GRIK4: variants seen among roughly 807,000 people sequenced by gnomAD.
GRIK4 encodes glutamate ionotropic receptor kainate type subunit 4, also known as glutamate receptor ionotropic, kainate 4.
Under a neutral mutation model 104.9 loss-of-function variants are expected in GRIK4, and 40 were observed. The ratio of observed to expected loss-of-function variants is 0.38; its 90% CI spans 0.30 to 0.50. GRIK4 has a LOEUF of 0.50. Ranked by LOEUF, GRIK4 falls within the 20% of genes least tolerant of loss-of-function variation. The pLI is 0.93. For synonymous variants in GRIK4, 485 were observed against 524.9 expected (o/e 0.92, Z 1.04); for missense variants, 1,047 against 1,308.1 (o/e 0.80, Z 3.08).
intron 9 of GRIK4, among the ~76,000 whole-genome samples, chr11:120,867,707 T>C (rs567897844): frequency 1.3e-5 from 2 of 151,780 alleles, no homozygotes; most frequent in African/African-American, 4.8e-5. Context: ...GAAAGCAAGA[T>C]CAGTCCATGC....
chr11:120,738,022 G>A (rs1368379175), intron 3 of GRIK4, among the ~76,000 whole-genome samples: 1 of 152,222 alleles, frequency 6.6e-6, no homozygotes, highest in African/African-American at 2.4e-5. Flanking sequence ...AGAGAGGATA[G>A]ATAGGGCAGA....
rs199693896 is a variant in GRIK4, at chr11:120,768,435, G to GT, written c.83-34250dup. On this transcript the variant is annotated intron_variant, in intron 3 of 20. Coordinates refer to ENST00000527524, the MANE Select transcript of GRIK4 (RefSeq NM_014619.5). ...TTTACTGAATTCATTTATTCTAACA[G>GT]TTTTTTTTGTGGGTTAAAACTTTCG... is the stretch of plus-strand genomic sequence containing the variant. Among the ~76,000 whole-genome samples, 532 of 151,966 alleles carry GT rather than the reference G, an allele frequency of 3.5e-3. 2 individuals carry two copies. Among genetic ancestry groups the GT allele is most frequent in the African/African-American group, 0.012 (497 of 41,472 alleles).
intron 8 of GRIK4, among the ~76,000 whole-genome samples, chr11:120,846,988 C>G (rs979748165): frequency 6.6e-6 from 1 of 152,188 alleles, no homozygotes; most frequent in Non-Finnish European, 1.5e-5. Context: ...TGATCTCTCA[C>G]CACCCCCTTA....
intron 3 of GRIK4, among the ~76,000 whole-genome samples, chr11:120,791,800 G>T (rs1952400433): frequency 6.6e-6 from 1 of 152,042 alleles, no homozygotes; most frequent in African/African-American, 2.4e-5. Context: ...TTTAACATAT[G>T]GATATCCAAA....
At chr11:120,983,121 C>T (rs539089417) in intron 20 of GRIK4, among the ~76,000 whole-genome samples, 1 of 152,298 alleles carries the variant, frequency 6.6e-6, no homozygotes, top group East Asian at 1.9e-4. Flanking sequence ...CAGCAGATAC[C>T]CCAGTCCTCC....
chr11:120,769,225 C>G (rs538094111), intron 3 of GRIK4, among the ~76,000 whole-genome samples: 46 of 151,896 alleles, frequency 3.0e-4, no homozygotes, highest in African/African-American at 9.6e-4. Context: ...TGCTATTGGT[C>G]TGTTCAAGCT....
chr11:120,576,253 T>G (rs1948482411), intron 1 of GRIK4: 1 of 152,232 alleles, frequency 6.6e-6, no homozygotes, highest in African/African-American at 2.4e-5. Context: ...CAACTCCTAT[T>G]ATTTCAGGGA....
chr11:120,604,171 CAAAAAAAAAAAAA>C (rs59469495), intron 1 of GRIK4, among the ~76,000 whole-genome samples: 4 of 51,812 alleles, frequency 7.7e-5, no homozygotes, highest in Non-Finnish European at 1.0e-4. Context: ...GACTCCTTCT[CAAAAAAAAAAAAA>C]AAAAAAAAAA....
At chr11:120,913,734 C>T (rs1943047257) in intron 13 of GRIK4, among the ~76,000 whole-genome samples, 1 of 151,512 alleles carries the variant, frequency 6.6e-6, no homozygotes, top group South Asian at 2.1e-4. Context: ...CGCCTCATTC[C>T]ATTTTTTCTC....
chr11:120,531,354 C>T lies in GRIK4; in HGVS notation c.-159+19467C>T, dbSNP rs370144098. On this transcript the variant is annotated intron_variant, in intron 1 of 20. Coordinates refer to ENST00000527524, the MANE Select transcript of GRIK4 (RefSeq NM_014619.5). The stretch of plus-strand genomic sequence containing the variant: ...CCTTCCCCACATCCTCCTTTCATGT[C>T]GTCTGCCCCTGCCACAGGCACCTGC... 5.3e-4 allele frequency among the ~76,000 whole-genome samples: 80 copies of T among 152,302 alleles called. No individual in the cohort carries two copies. The South Asian group carries it at 7.9e-3, about 15-fold the overall frequency.
chr11:120,952,737 C>T lies in GRIK4; in HGVS notation c.1591-118C>T, dbSNP rs1591323853. The T allele has an allele frequency of 2.6e-6, 2 of 759,102 alleles. No homozygotes were observed. The highest frequency in any genetic ancestry group is 2.5e-5 in the East Asian group (1 of 39,638). 47.0% of individuals were successfully genotyped at this position (759,102 alleles called of 1,614,324 possible). On this transcript the variant is annotated intron_variant, in intron 14 of 20. Transcript: ENST00000527524. This position sits in a 1 kb window ranked among gnomAD's most constrained non-coding sequence, Gnocchi z 5.2. ...ATTTAAACCAATCACCCAGAACCCACAGAAATGGGAACTGGGGCCAGACCC... is the reference window on the plus strand; with the variant it reads ...ATTTAAACCAATCACCCAGAACCCATAGAAATGGGAACTGGGGCCAGACCC...
intron 9 of GRIK4, chr11:120,869,550 A>G (rs1954536054): frequency 6.6e-6 from 1 of 152,342 alleles, no homozygotes. Flanking sequence ...GGATCTCAGC[A>G]TCCACATCAT....
intron 13 of GRIK4, among the ~76,000 whole-genome samples, chr11:120,915,865 A>G (rs1473687569): frequency 2.6e-5 from 4 of 152,234 alleles, no homozygotes; most frequent in Admixed American, 2.6e-4. Flanking sequence ...AGATGAGGGC[A>G]CAGAGGCTTG....
intron 3 of GRIK4, among the ~76,000 whole-genome samples, chr11:120,759,998 A>C (rs548925202): frequency 1.4e-4 from 22 of 152,190 alleles, no homozygotes; most frequent in African/African-American, 5.3e-4. Context: ...TTTAACAAAA[A>C]TCTCTAATAT....
intron 3 of GRIK4, among the ~76,000 whole-genome samples, chr11:120,708,255 G>C (rs376768468): frequency 1.3e-5 from 2 of 152,182 alleles, no homozygotes; most frequent in African/African-American, 4.8e-5. Context: ...CCATGGGCAC[G>C]TGGAAAGATC....
At chr11:120,628,541 T>C (rs1949288879) in intron 1 of GRIK4, among the ~76,000 whole-genome samples, 1 of 152,198 alleles carries the variant, frequency 6.6e-6, no homozygotes, top group South Asian at 2.1e-4. Context: ...AGGGCCCTCC[T>C]GACAACATGC....
At chr11:120,620,386 T>G (rs986824205) in intron 1 of GRIK4, 1 of 563,430 alleles carries the variant, frequency 1.8e-6, no homozygotes, top group African/African-American at 1.9e-5. Context: ...CTAGTCCCCA[T>G]GTACTGCCCC....
At position 120,513,241 on chromosome 11, in the gene GRIK4, A is replaced by G. The variant is rs1010626568; in HGVS notation, c.-159+1354A>G. Among the ~76,000 whole-genome samples the G allele has an allele frequency of 3.3e-5, 5 of 152,070 alleles. No individual in the cohort carries two copies. Among genetic ancestry groups the G allele is most frequent in the Non-Finnish European group, 7.4e-5 (5 of 68,004 alleles). On this transcript the variant is annotated intron_variant, in intron 1 of 20. Coordinates refer to ENST00000527524, the MANE Select transcript of GRIK4 (RefSeq NM_014619.5). This position sits in a 1 kb window ranked among gnomAD's most constrained non-coding sequence, Gnocchi z 4.5. Reference sequence around the variant, plus strand: ...CTGCCAGGAACAAAGAACTACCTTCACTTTCACTCCCTATGGGTCACCTGG... The same window carrying G: ...CTGCCAGGAACAAAGAACTACCTTCGCTTTCACTCCCTATGGGTCACCTGG...
At chr11:120,900,490 C>T (rs1177207196) in intron 12 of GRIK4, among the ~76,000 whole-genome samples, 1 of 151,958 alleles carries the variant, frequency 6.6e-6, no homozygotes, top group Non-Finnish European at 1.5e-5. Context: ...GAATCCCTGC[C>T]TGTAAGGAGC....
Sources: gnomAD v4.1 joint callset for allele counts (sites outside exome capture counted in the v4.1 genomes callset) on GRCh38, gnomAD v4.1.1 for gene constraint, Gnocchi (gnomAD v3.1) non-coding constraint, MANE v1.5 for transcripts, NCBI Gene and HGNC (gene_info 2026-07-23, HGNC 2026-07-21) for gene names.